Variants in PPP2R2C observed in about 807,000 individuals in gnomAD.
PPP2R2C encodes the protein protein phosphatase 2, regulatory subunit B, gamma.
A neutral mutation model predicts 45.3 loss-of-function variants in PPP2R2C; 10 were observed. The observed-to-expected ratio is 0.22, with a 90% CI of 0.14 to 0.37. The LOEUF is 0.37. Ranked by LOEUF, PPP2R2C falls within the 10% of genes least tolerant of loss-of-function variation. The pLI, the probability that PPP2R2C is intolerant of heterozygous loss-of-function variation, is 1.00. For missense variants in PPP2R2C, 308 were observed against 619.7 expected (o/e 0.50, Z 5.34); for synonymous variants, 257 against 245.4 (o/e 1.05, Z -0.44).
chr4:6,537,308 T>C (rs1724659051), intron 1 of PPP2R2C, among the ~76,000 whole-genome samples: 1 of 151,900 alleles, frequency 6.6e-6, no homozygotes, highest in Non-Finnish European at 1.5e-5. Flanking sequence ...TGCAGAGAAA[T>C]GTCTGGAGGA....
At chr4:6,394,295 G>C (rs781663867) in intron 1 of PPP2R2C, among the ~76,000 whole-genome samples, 29 of 152,188 alleles carry the variant, frequency 1.9e-4, no homozygotes, top group Admixed American at 7.9e-4. Flanking sequence ...TCTCTAAAAT[G>C]GGTTTCATAT....
intron 1 of PPP2R2C, among the ~76,000 whole-genome samples, chr4:6,463,660 G>A (rs1488940852): frequency 3.9e-5 from 6 of 152,194 alleles, no homozygotes; most frequent in Non-Finnish European, 8.8e-5. Flanking sequence ...ACACTGTCAG[G>A]GGACAAGTGT....
At chr4:6,371,219 C>T (rs187797970) in intron 5 of PPP2R2C, among the ~76,000 whole-genome samples, 4 of 152,364 alleles carry the variant, frequency 2.6e-5, no homozygotes, top group African/African-American at 9.6e-5. Context: ...CTCCGAAGCC[C>T]ACACATGTGC....
At chr4:6,462,830 G>A (rs560242311) in intron 1 of PPP2R2C, among the ~76,000 whole-genome samples, 1 of 152,342 alleles carries the variant, frequency 6.6e-6, no homozygotes, top group South Asian at 2.1e-4. Context: ...TCCAAAAGCA[G>A]GGGAGAGTAA....
At chr4:6,423,357 C>G (rs1719095910) in intron 1 of PPP2R2C, among the ~76,000 whole-genome samples, 1 of 152,322 alleles carries the variant, frequency 6.6e-6, no homozygotes, top group South Asian at 2.1e-4. Flanking sequence ...GTGCACACCA[C>G]CACGCCCAGC....
intron 1 of PPP2R2C, among the ~76,000 whole-genome samples, chr4:6,453,578 C>G (rs942119873): frequency 2.0e-5 from 3 of 152,070 alleles, no homozygotes; most frequent in East Asian, 1.9e-4. Context: ...ATGGTCCCCC[C>G]GCACCAGTGC....
intron 1 of PPP2R2C, among the ~76,000 whole-genome samples, chr4:6,422,421 G>A (rs111634202): frequency 6.6e-6 from 1 of 152,234 alleles, no homozygotes; most frequent in Non-Finnish European, 1.5e-5. Flanking sequence ...TTATATGGGG[G>A]AAATACTTTG....
chr4:6,468,356 A>G (rs1721689467), intron 1 of PPP2R2C, among the ~76,000 whole-genome samples: 1 of 152,154 alleles, frequency 6.6e-6, no homozygotes, highest in African/African-American at 2.4e-5. Flanking sequence ...TCAACTATAA[A>G]ATCAGGACAA....
chr4:6,526,119 G>A (rs1459627808), intron 2 of PPP2R2C, among the ~76,000 whole-genome samples: 2 of 152,224 alleles, frequency 1.3e-5, no homozygotes, highest in African/African-American at 4.8e-5. Flanking sequence ...GGCCCTGACT[G>A]TAATACTTAC....
At chr4:6,413,342 T>G (rs936056459) in intron 1 of PPP2R2C, among the ~76,000 whole-genome samples, 2 of 152,316 alleles carry the variant, frequency 1.3e-5, no homozygotes, top group East Asian at 3.9e-4. Context: ...TGACACACTC[T>G]CATACTCGTG....
chr4:6,335,635 T>G (rs1577074836), intron 6 of PPP2R2C, among the ~76,000 whole-genome samples: 1 of 149,150 alleles, frequency 6.7e-6, no homozygotes, highest in African/African-American at 2.5e-5. Context: ...GAGGCTGGAG[T>G]CCCCTCCCGA....
chr4:6,537,699 T>C (rs1341032131), intron 1 of PPP2R2C, among the ~76,000 whole-genome samples: 1 of 151,860 alleles, frequency 6.6e-6, no homozygotes, highest in Non-Finnish European at 1.5e-5. Context: ...TACAGGTGCC[T>C]GCCACCACAC....
At position 6,523,267 on chromosome 4, in the gene PPP2R2C, G is replaced by A. The variant is rs576475866; in HGVS notation, c.49+12004C>T. Among the ~76,000 whole-genome samples, 20 of 152,296 alleles carry A rather than the reference G, an allele frequency of 1.3e-4. No individual in the cohort carries two copies. In the South Asian group the frequency reaches 4.1e-3, roughly 32 times the overall value. ...CCAGCTCCCTTATGTTTGAAAGAAA[G>A]AACACAAGACTTCAGAGTCAGGCCC... On this transcript the variant is annotated intron_variant, in intron 2 of 9. Transcript: ENST00000506140.
Position 6,559,177 on chromosome 4 carries a change from G to A in PPP2R2C, c.-59+4383C>T, listed in dbSNP as rs140227621. On this transcript the variant is annotated intron_variant, in intron 1 of 9. Transcript: ENST00000506140. ...GCAGCTCGCAGTCCAGCCAAGGCAG[G>A]AAGAACTAGGTTCAGATCCATCTCT... Among the ~76,000 whole-genome samples the A allele has an allele frequency of 5.3e-5, 8 of 152,312 alleles. No homozygotes were observed. The East Asian group carries it at 1.5e-3, about 29-fold the overall frequency.
intron 5 of PPP2R2C, among the ~76,000 whole-genome samples, chr4:6,356,535 G>A (rs113016165): frequency 6.6e-6 from 1 of 152,234 alleles, no homozygotes; most frequent in African/African-American, 2.4e-5. Flanking sequence ...TGCTAGCTAT[G>A]TGTCTTTGGG....
upstream of PPP2R2C, among the ~76,000 whole-genome samples, chr4:6,475,263 G>C (rs986107037): frequency 6.6e-6 from 1 of 152,140 alleles, no homozygotes; most frequent in African/African-American, 2.4e-5. Context: ...ACGGGGAGGA[G>C]GAGGTGCCAT....
intron 5 of PPP2R2C, chr4:6,350,364 T>G: frequency 2.0e-6 from 2 of 985,446 alleles, no homozygotes; most frequent in South Asian, 9.4e-5. Flanking sequence ...GTGCGGCCAC[T>G]GATGAAATGT....
At chr4:6,537,699 T>G (rs1341032131) in intron 1 of PPP2R2C, among the ~76,000 whole-genome samples, 1 of 151,860 alleles carries the variant, frequency 6.6e-6, no homozygotes, top group Non-Finnish European at 1.5e-5. Context: ...TACAGGTGCC[T>G]GCCACCACAC....
chr4:6,384,529 T>C (rs1716086901), intron 1 of PPP2R2C: 1 of 976,304 alleles, frequency 1.0e-6, no homozygotes, highest in Non-Finnish European at 1.2e-6. Context: ...TATAAAACGC[T>C]GCACATACTT....
Sources: allele counts gnomAD v4.1 joint callset (sites outside exome capture counted in the v4.1 genomes callset), GRCh38; gene constraint gnomAD v4.1.1; transcripts MANE v1.5; gene names NCBI Gene and HGNC (gene_info 2026-07-23, HGNC 2026-07-21).